Variants in OCA2 observed in about 807,000 individuals in gnomAD.
The protein encoded by OCA2 is P protein.
A neutral mutation model predicts 100.2 loss-of-function variants in OCA2; 77 were observed. The ratio of observed to expected loss-of-function variants is 0.77; its 90% CI spans 0.64 to 0.93. The LOEUF is 0.93. Among genes scored for constraint, OCA2 ranks in the 40% least tolerant of loss-of-function variants. The pLI, the probability that OCA2 is intolerant of heterozygous loss-of-function variation, is 0.00. For missense variants in OCA2, 1,062 were observed against 1,089.1 expected (o/e 0.98, Z 0.35); for synonymous variants, 432 against 439.2 (o/e 0.98, Z 0.21).
chr15:27,990,759 T>C (rs1289274531), intron 9 of OCA2, 112 bp from the exon 10 acceptor site: 18 of 909,166 alleles, frequency 2.0e-5, no homozygotes, highest in Admixed American at 1.8e-5. Flanking sequence ...ACCACATCTA[T>C]TCAAATGATA....
chr15:27,773,970 C>T (rs921751820), intron 23 of OCA2, among the ~76,000 whole-genome samples: 14 of 152,118 alleles, frequency 9.2e-5, no homozygotes, highest in South Asian at 2.1e-4. Flanking sequence ...AATATCATTC[C>T]GTTAACTGGG....
chr15:27,983,621 G>T, intron 13 of OCA2, 138 bp from the exon 14 acceptor site: 1 of 919,876 alleles, frequency 1.1e-6, no homozygotes, highest in Non-Finnish European at 1.7e-6. Flanking sequence ...GGAAGGCAGT[G>T]CTGGGGGGAA....
Position 28,014,782 on chromosome 15 carries a change from T to C in OCA2, c.1038A>G (p.Ile346Met). The change falls in exon 9 of 24, where the codon ATA becomes ATG. Residue 346 changes from isoleucine (I) to methionine (M), a missense_variant. Ile to Met is a conservative substitution (Grantham distance 10, BLOSUM62 1). Transcript: ENST00000354638. Reference sequence around the variant, plus strand: ...GAGCAGGTGTGAAAGTTACCTCAAATATGATCAGCGCGTAGACGCCCGCGA... The same window carrying C: ...GAGCAGGTGTGAAAGTTACCTCAAACATGATCAGCGCGTAGACGCCCGCGA... ...AILAGVYALI[I>M]FEIVHRTLAA... is the part of the protein sequence containing the mutation. The C allele has an allele frequency of 6.2e-7, 1 of 1,612,990 alleles. No homozygotes were observed. Among genetic ancestry groups the C allele is most frequent in the Non-Finnish European group, 8.5e-7 (1 of 1,179,940 alleles).
At chr15:27,726,158 C>T in the OCA2 span, among the ~76,000 whole-genome samples, 47 of 151,982 alleles carry the variant, frequency 3.1e-4, no homozygotes, top group African/African-American at 1.0e-3. Flanking sequence ...AATAGCTGGG[C>T]GTGGTGGCAC....
chr15:27,801,684 A>T (rs1443209217), intron 23 of OCA2, among the ~76,000 whole-genome samples: 20 of 152,184 alleles, frequency 1.3e-4, no homozygotes, highest in Admixed American at 8.5e-4. Context: ...AAACTAAAAA[A>T]ATATATATTT....
chr15:27,770,783 T>A (rs56365751), intron 23 of OCA2, among the ~76,000 whole-genome samples: 1 of 54,568 alleles, frequency 1.8e-5, no homozygotes, highest in African/African-American at 7.2e-5. Flanking sequence ...CCTTCCATCC[T>A]TCCTTCCTCC....
chr15:28,036,356 G>A (rs928011434), intron 2 of OCA2, among the ~76,000 whole-genome samples: 3 of 152,152 alleles, frequency 2.0e-5, no homozygotes, highest in Admixed American at 2.0e-4. Context: ...TCCTTTTGCT[G>A]GAAGAGAGCC....
At chr15:27,938,191 C>T (rs2039523562) in intron 18 of OCA2, among the ~76,000 whole-genome samples, 1 of 152,136 alleles carries the variant, frequency 6.6e-6, no homozygotes, top group African/African-American at 2.4e-5. Context: ...GCCACTGAAC[C>T]TTACATAGAT....
intron 23 of OCA2, among the ~76,000 whole-genome samples, chr15:27,797,768 GC>G (rs2033408169): frequency 6.6e-6 from 1 of 152,200 alleles, no homozygotes; most frequent in African/African-American, 2.4e-5. Context: ...AGGAGGATGA[GC>G]TGCAGAGAGA....
At chr15:27,968,432 G>A (rs2040654365) in intron 14 of OCA2, among the ~76,000 whole-genome samples, 1 of 152,180 alleles carries the variant, frequency 6.6e-6, no homozygotes, top group African/African-American at 2.4e-5. Context: ...GTAGAGGGGT[G>A]GCAAGTCACA....
In OCA2 at chr15:27,983,113, G is replaced by A. The variant is rs555892081; in HGVS notation, c.1503+232C>T. Among the ~76,000 whole-genome samples, 14 of 152,248 alleles carry A rather than the reference G, an allele frequency of 9.2e-5. No individual in the cohort carries two copies. The South Asian group carries it at 2.7e-3, about 29-fold the overall frequency. On this transcript the variant is annotated intron_variant, in intron 14 of 23. Coordinates refer to ENST00000354638, the MANE Select transcript of OCA2 (RefSeq NM_000275.3). ...ATGACTAACTACATCATGCTATCCA[G>A]TCATTTCTTTAAAAACTGATCAGAA...
chr15:27,985,030 G>T, intron 13 of OCA2, 34 bp downstream of exon 13: 4 of 1,612,930 alleles, frequency 2.5e-6, no homozygotes, highest in Non-Finnish European at 3.4e-6. Context: ...CCAGAACCTG[G>T]CCGCAACTCC....
At chr15:27,843,604 G>A (rs2057760663) in intron 23 of OCA2, among the ~76,000 whole-genome samples, 1 of 152,170 alleles carries the variant, frequency 6.6e-6, no homozygotes, top group Non-Finnish European at 1.5e-5. Context: ...TCAGCGATAT[G>A]CCCAGAGTCC....
At chr15:27,832,881 C>T (rs562133388) in intron 23 of OCA2, among the ~76,000 whole-genome samples, 7 of 141,284 alleles carry the variant, frequency 5.0e-5, no homozygotes, top group African/African-American at 1.9e-4. Context: ...AGCACGATCT[C>T]GGGTCACTGC....
Position 27,985,205 on chromosome 15 carries a change from A to G in OCA2, c.1240-17T>C, listed in dbSNP as rs779095099. On this transcript the variant is annotated splice_polypyrimidine_tract_variant and intron_variant, in intron 12 of 23. Coordinates refer to ENST00000354638, the MANE Select transcript of OCA2 (RefSeq NM_000275.3). ...CCGGTATGCCTGGCCACACACACAC[A>G]GAGAGAGTACAAGCCAGAGTGAGCA... The G allele has an allele frequency of 5.0e-6, 8 of 1,613,366 alleles. No individual in the cohort carries two copies. The Admixed American group carries it at 1.3e-4, about 27-fold the overall frequency.
chr15:27,907,530 G>A (rs892094153), intron 19 of OCA2, among the ~76,000 whole-genome samples: 2 of 151,926 alleles, frequency 1.3e-5, no homozygotes, highest in South Asian at 4.1e-4. Flanking sequence ...ATGACATGGA[G>A]AATATAAAAA....
intron 14 of OCA2, among the ~76,000 whole-genome samples, chr15:27,972,146 T>G (rs1002817539): frequency 6.6e-6 from 1 of 152,216 alleles, no homozygotes; most frequent in South Asian, 2.1e-4. Context: ...GCAAAAGACA[T>G]TAGTTCATTC....
chr15:28,011,369 G>A (rs781134469), intron 9 of OCA2, among the ~76,000 whole-genome samples: 4 of 152,140 alleles, frequency 2.6e-5, no homozygotes, highest in Non-Finnish European at 2.9e-5. Context: ...TCGGGAGACC[G>A]AGGTAGGAGG....
the OCA2 span, among the ~76,000 whole-genome samples, chr15:27,724,814 CTT>C: frequency 1.4e-5 from 2 of 147,092 alleles, no homozygotes; most frequent in Non-Finnish European, 1.5e-5. Flanking sequence ...GTGAGAGACG[CTT>C]TTTTTTTTTT....
Sources: allele counts gnomAD v4.1 joint callset (sites outside exome capture counted in the v4.1 genomes callset), GRCh38; gene constraint gnomAD v4.1.1; transcripts MANE v1.5; gene names NCBI Gene and HGNC (gene_info 2026-07-23, HGNC 2026-07-21).